ROBO2: variants seen among roughly 807,000 people sequenced by gnomAD.
The protein encoded by ROBO2 is roundabout guidance receptor 2.
In ROBO2, 53 loss-of-function variants were observed where a neutral mutation model predicts 160.8. The observed-to-expected ratio is 0.33, with a 90% CI of 0.26 to 0.41. The LOEUF is 0.41. ROBO2 is among the 10% of genes least tolerant of loss of function. The pLI, the probability that ROBO2 is intolerant of heterozygous loss-of-function variation, is 1.00. For synonymous variants in ROBO2, 664 were observed against 611.7 expected (o/e 1.09, Z -1.26); for missense variants, 1,577 against 1,722.4 (o/e 0.92, Z 1.49).
chr3:76,000,458 A>T (rs982484370), intron 2 of ROBO2, among the ~76,000 whole-genome samples: 1 of 151,704 alleles, frequency 6.6e-6, no homozygotes, highest in Non-Finnish European at 1.5e-5. Context: ...AACCGAATTA[A>T]ATTAAAATAT....
chr3:76,868,975 A>C (rs2071681300), intron 2 of ROBO2, among the ~76,000 whole-genome samples: 1 of 152,188 alleles, frequency 6.6e-6, no homozygotes, highest in Non-Finnish European at 1.5e-5. Context: ...CCACCAAAAA[A>C]GGAGTCAAGA....
At chr3:76,744,479 C>T (rs966541496) in intron 2 of ROBO2, among the ~76,000 whole-genome samples, 2 of 152,130 alleles carry the variant, frequency 1.3e-5, no homozygotes, top group Non-Finnish European at 2.9e-5. Flanking sequence ...CCCACCTCAG[C>T]CTCCTGAGTA....
At chr3:76,705,411 T>A (rs2093139680) in intron 2 of ROBO2, among the ~76,000 whole-genome samples, 2 of 151,868 alleles carry the variant, frequency 1.3e-5, no homozygotes, top group South Asian at 4.2e-4. Flanking sequence ...CGTAAAGGGG[T>A]ATGTGTGTCT....
chr3:76,848,476 A>G (rs893734892), intron 2 of ROBO2, among the ~76,000 whole-genome samples: 4 of 152,180 alleles, frequency 2.6e-5, no homozygotes, highest in Admixed American at 6.5e-5. Context: ...CACAGCTGGT[A>G]CAAGTTTCAG....
At position 77,240,625 on chromosome 3, in the gene ROBO2, C is replaced by A. The variant is rs530237710; in HGVS notation, c.388+142285C>A. On this transcript the variant is annotated intron_variant, in intron 2 of 25. Coordinates refer to ENST00000461745, the Ensembl canonical transcript of ROBO2. Reference sequence around the variant, plus strand: ...TGAGAGTGAGCAAGGGCCACCAGCACGTTGTCACCTCTCACCTCGAATACT... The same window carrying A: ...TGAGAGTGAGCAAGGGCCACCAGCAAGTTGTCACCTCTCACCTCGAATACT... Among the ~76,000 whole-genome samples, 30 of 152,332 alleles carry A rather than the reference C, an allele frequency of 2.0e-4. 1 individual carries two copies. Among genetic ancestry groups the A allele is most frequent in the African/African-American group, 6.5e-4 (27 of 41,588 alleles).
chr3:76,768,699 TTAAATTTTAGGCTAGTTAACAGAATCATA>T (rs1461589993), intron 2 of ROBO2, among the ~76,000 whole-genome samples: 8 of 150,916 alleles, frequency 5.3e-5, no homozygotes, highest in African/African-American at 1.9e-4. Flanking sequence ...AACAATTATG[TTAAATTTTAGGCTAGTTAACAGAATCATA>T]TAATTCTAGA....
intron 2 of ROBO2, among the ~76,000 whole-genome samples, chr3:76,384,829 C>G (rs1173441620): frequency 6.6e-6 from 1 of 152,168 alleles, no homozygotes; most frequent in African/African-American, 2.4e-5. Context: ...CAACCTGATT[C>G]CTCCCACGAC....
Position 77,619,403 on chromosome 3 carries a change from T to C in ROBO2, c.3554+1630T>C, listed in dbSNP as rs539904034. Among the ~76,000 whole-genome samples, 3 of 152,258 alleles carry C rather than the reference T, an allele frequency of 2.0e-5. No homozygotes were observed. The East Asian group carries it at 5.8e-4, about 29-fold the overall frequency. ...AGATTTTACACTCAAAGCTACAGTCTATTACAGTGAAAAGATACGCATTAA... is the reference window on the plus strand; with the variant it reads ...AGATTTTACACTCAAAGCTACAGTCCATTACAGTGAAAAGATACGCATTAA... On this transcript the variant is annotated intron_variant, in intron 22 of 25. Transcript: ENST00000461745.
intron 2 of ROBO2, among the ~76,000 whole-genome samples, chr3:76,976,717 C>T (rs1304379994): frequency 1.3e-5 from 2 of 152,138 alleles, no homozygotes; most frequent in African/African-American, 4.8e-5. Context: ...AGTCTGAAAA[C>T]ATAGTTAATG....
intron 2 of ROBO2, among the ~76,000 whole-genome samples, chr3:76,231,545 T>A (rs1169387614): frequency 6.6e-6 from 1 of 152,190 alleles, no homozygotes; most frequent in Non-Finnish European, 1.5e-5. Flanking sequence ...TGTAGTTTCA[T>A]TTACTATCTC....
chr3:77,533,247 T>C (rs527976352), intron 6 of ROBO2, among the ~76,000 whole-genome samples: 41 of 152,276 alleles, frequency 2.7e-4, no homozygotes, highest in African/African-American at 9.6e-4. Flanking sequence ...CATTTTCCTA[T>C]AAGACTCTCT....
At chr3:76,426,841 G>A (rs1295593767) in intron 2 of ROBO2, among the ~76,000 whole-genome samples, 3 of 152,086 alleles carry the variant, frequency 2.0e-5, no homozygotes, top group Admixed American at 1.3e-4. Context: ...ATTTTATACA[G>A]GTAGAGAGAA....
intron 6 of ROBO2, among the ~76,000 whole-genome samples, chr3:77,545,207 A>G (rs2092652343): frequency 6.6e-6 from 1 of 152,096 alleles, no homozygotes; most frequent in African/African-American, 2.4e-5. Context: ...AAAAATCAGA[A>G]TAAAATCCTC....
At position 76,419,024 on chromosome 3, in the gene ROBO2, T is replaced by C. The variant is rs148434033; in HGVS notation, c.109+481422T>C. ...TTTTAATCATGGTTTTACAAACTCT[T>C]GTATATAAAGATTAGTGTACCATCC... On this transcript the variant is annotated intron_variant, in intron 2 of 26. Transcript: ENST00000487694. 1.0e-2 allele frequency among the ~76,000 whole-genome samples: 1,518 copies of C among 152,312 alleles called. 28 individuals carry two copies. The highest frequency in any genetic ancestry group is 0.034 in the African/African-American group (1,432 of 41,556).
At chr3:75,964,261 A>G (rs900721740) in intron 2 of ROBO2, among the ~76,000 whole-genome samples, 1 of 151,806 alleles carries the variant, frequency 6.6e-6, no homozygotes, top group Non-Finnish European at 1.5e-5. Flanking sequence ...GCATTAGAAT[A>G]TTTTTGCAGA....
At chr3:77,642,599 C>A in intron 24 of ROBO2, 72 bp from the exon 26 acceptor site, 1 of 404,710 alleles carries the variant, frequency 2.5e-6, no homozygotes, top group South Asian at 1.8e-5. Flanking sequence ...CAAAGATTTT[C>A]TTCAACTTGA....
chr3:76,620,746 A>T (rs2089003333), intron 2 of ROBO2, among the ~76,000 whole-genome samples: 3 of 152,166 alleles, frequency 2.0e-5, no homozygotes, highest in Admixed American at 2.0e-4. Flanking sequence ...ACTAGCTTAT[A>T]AATACTAAAG....
chr3:77,080,586 T>G (rs1411774373), intron 1 of ROBO2, among the ~76,000 whole-genome samples: 1 of 152,260 alleles, frequency 6.6e-6, no homozygotes, highest in East Asian at 1.9e-4. Flanking sequence ...ATAATGTTAA[T>G]TAGTACTTCA....
intron 2 of ROBO2, among the ~76,000 whole-genome samples, chr3:76,707,845 G>A (rs895517735): frequency 6.6e-6 from 1 of 151,570 alleles, no homozygotes; most frequent in South Asian, 2.1e-4. Context: ...AGTGATGACA[G>A]CCAACTGGCT....
Sources: gnomAD v4.1 joint callset for allele counts (sites outside exome capture counted in the v4.1 genomes callset) on GRCh38, gnomAD v4.1.1 for gene constraint, MANE v1.5 for transcripts, NCBI Gene and HGNC (gene_info 2026-07-23, HGNC 2026-07-21) for gene names.